Variants in DPF3 observed in about 807,000 individuals in gnomAD.
DPF3 encodes the protein double PHD fingers 3.
DPF3 carries 18 observed loss-of-function variants against 56.8 expected under a neutral mutation model. The ratio of observed to expected loss-of-function variants is 0.32; its 90% CI spans 0.22 to 0.47. DPF3 has a LOEUF of 0.47. DPF3 is among the 20% of genes least tolerant of loss of function. The pLI is 1.00. For synonymous variants in DPF3, 188 were observed against 180.2 expected (o/e 1.04, Z -0.35); for missense variants, 403 against 488.8 (o/e 0.82, Z 1.65).
At chr14:72,728,927 A>G (rs1270133093) in intron 4 of DPF3, among the ~76,000 whole-genome samples, 1 of 152,172 alleles carries the variant, frequency 6.6e-6, no homozygotes, top group Non-Finnish European at 1.5e-5. Flanking sequence ...TGTGAGATGA[A>G]GTACGGCACG....
chr14:72,663,386 C>T (rs1359664328), intron 8 of DPF3, among the ~76,000 whole-genome samples: 2 of 152,250 alleles, frequency 1.3e-5, no homozygotes, highest in African/African-American at 4.8e-5. Context: ...CCTTCACAAG[C>T]ACTCACACTC....
At chr14:72,631,191 G>A (rs1353372996) in intron 8 of DPF3, among the ~76,000 whole-genome samples, 1 of 152,214 alleles carries the variant, frequency 6.6e-6, no homozygotes, top group Non-Finnish European at 1.5e-5. Flanking sequence ...AGTGAATACA[G>A]GCAGAAGCAG....
chr14:72,881,979 T>C (rs1886344260), intron 1 of DPF3, among the ~76,000 whole-genome samples: 1 of 152,322 alleles, frequency 6.6e-6, no homozygotes, highest in Middle Eastern at 3.4e-3. Flanking sequence ...AGAGGTATTG[T>C]CTGATTCAAA....
chr14:72,673,119 T>C (rs1404155633), intron 8 of DPF3, among the ~76,000 whole-genome samples: 2 of 152,146 alleles, frequency 1.3e-5, no homozygotes, highest in Non-Finnish European at 2.9e-5. Flanking sequence ...AAATTACTGA[T>C]TTGCTACTCA....
chr14:72,863,461 CCTT>C (rs919120859), intron 1 of DPF3, among the ~76,000 whole-genome samples: 1 of 150,856 alleles, frequency 6.6e-6, no homozygotes, highest in African/African-American at 2.4e-5. Context: ...TTTAAAAACT[CCTT>C]CTGAGGTCAT....
chr14:72,665,267 T>G (rs1467766944), intron 8 of DPF3, among the ~76,000 whole-genome samples: 1 of 152,212 alleles, frequency 6.6e-6, no homozygotes, highest in Non-Finnish European at 1.5e-5. Flanking sequence ...GGCCAATAAA[T>G]TCATTGCCCC....
intron 1 of DPF3, among the ~76,000 whole-genome samples, chr14:72,802,132 G>C (rs934362654): frequency 6.6e-6 from 1 of 151,668 alleles, no homozygotes; most frequent in Non-Finnish European, 1.5e-5. Context: ...AGGGACAGCT[G>C]GGTGTGCAGG....
chr14:72,646,138 C>CA (rs1177406048), intron 8 of DPF3, among the ~76,000 whole-genome samples: 1 of 152,044 alleles, frequency 6.6e-6, no homozygotes, highest in Non-Finnish European at 1.5e-5. Context: ...TCTTTTCCAC[C>CA]AAAAAAACTC....
intron 1 of DPF3, among the ~76,000 whole-genome samples, chr14:72,827,907 AC>A (rs1490860327): frequency 6.6e-6 from 1 of 152,144 alleles, no homozygotes; most frequent in Non-Finnish European, 1.5e-5. Flanking sequence ...AGCCAAGGTC[AC>A]ACCACTGCAT....
rs957454932 is a variant in DPF3, at chr14:72,617,755, G to A, written c.*1542C>T. Among the ~76,000 whole-genome samples, 3 of 152,182 alleles carry A rather than the reference G, an allele frequency of 2.0e-5. No homozygotes were observed. Among genetic ancestry groups the A allele is most frequent in the African/African-American group, 7.2e-5 (3 of 41,452 alleles). ...GCACAAATACTGCGGCCGGGCAGAG[G>A]TGGCCCAACTAGCCCGAGTCTCCGG... On this transcript the variant is annotated 3_prime_UTR_variant, in exon 11 of 11. Coordinates refer to ENST00000556509, the MANE Select transcript of DPF3 (RefSeq NM_001280542.3).
At position 72,742,924 on chromosome 14, in the gene DPF3, C is replaced by T. The variant is rs556236619; in HGVS notation, c.301+10340G>A. 3.7e-3 allele frequency among the ~76,000 whole-genome samples: 556 copies of T among 152,166 alleles called. 3 individuals carry two copies. The highest frequency in any genetic ancestry group is 0.013 in the African/African-American group (531 of 41,508). On this transcript the variant is annotated intron_variant, in intron 3 of 10. Transcript: ENST00000556509. ...CTCAAGTCCCTCCGCCTGGACCACCCCTTTGGGAGATACCCCTCTGCAGGT... is the reference window on the plus strand; with the variant it reads ...CTCAAGTCCCTCCGCCTGGACCACCTCTTTGGGAGATACCCCTCTGCAGGT...
At chr14:72,738,925 C>T (rs565832947) in intron 3 of DPF3, among the ~76,000 whole-genome samples, 1 of 151,812 alleles carries the variant, frequency 6.6e-6, no homozygotes, top group Admixed American at 6.6e-5. Context: ...TAATAAAGCT[C>T]GGAGGGAATA....
intron 1 of DPF3, among the ~76,000 whole-genome samples, chr14:72,870,664 A>C (rs1885862502): frequency 6.6e-6 from 1 of 152,270 alleles, no homozygotes; most frequent in Admixed American, 6.5e-5. Context: ...TAGGAAAACC[A>C]GTGCTTCTCC....
chr14:72,737,127 GACAA>G (rs1470316417), intron 3 of DPF3, among the ~76,000 whole-genome samples: 1 of 149,348 alleles, frequency 6.7e-6, no homozygotes, highest in Non-Finnish European at 1.5e-5. Context: ...AAACCTCCGA[GACAA>G]ACAAGGATTG....
At chr14:72,715,834 T>G in intron 5 of DPF3, among the ~76,000 whole-genome samples, 1 of 132,446 alleles carries the variant, frequency 7.6e-6, no homozygotes, top group Admixed American at 7.7e-5. Flanking sequence ...CTCCCACCAG[T>G]CTCCCTCCCC....
chr14:72,880,320 C>T (rs888747095), intron 1 of DPF3, among the ~76,000 whole-genome samples: 1 of 152,186 alleles, frequency 6.6e-6, no homozygotes, highest in African/African-American at 2.4e-5. Context: ...ATTCAAGTCA[C>T]CCAGAGCAAT....
rs10570653 is a variant in DPF3 at position 72,861,026 on chromosome 14, TACACACACACACACACACAC to T, written c.32+33011_32+33030del. Among the ~76,000 whole-genome samples the T allele has an allele frequency of 3.2e-3, 473 of 147,962 alleles. 3 individuals carry two copies. Among genetic ancestry groups the T allele is most frequent in the African/African-American group, 6.0e-3 (241 of 40,072 alleles). ...TGTGCTTTCTTATCTGTTCTCACTA[TACACACACACACACACACAC>T]ACACACACACACACACACACACAGA... On this transcript the variant is annotated intron_variant, in intron 1 of 10. Coordinates refer to ENST00000556509, the MANE Select transcript of DPF3 (RefSeq NM_001280542.3).
At chr14:72,652,153 C>T (rs1885928442) in intron 8 of DPF3, among the ~76,000 whole-genome samples, 1 of 152,230 alleles carries the variant, frequency 6.6e-6, no homozygotes, top group Non-Finnish European at 1.5e-5. Flanking sequence ...AATTGACTCT[C>T]AGTGAGCCTG....
intron 7 of DPF3, among the ~76,000 whole-genome samples, chr14:72,687,816 A>G (rs867524993): frequency 3.4e-4 from 52 of 152,162 alleles, no homozygotes; most frequent in African/African-American, 1.2e-3. Flanking sequence ...AGAGCTTTGT[A>G]AGACCCAGAC....
Sources: allele counts gnomAD v4.1 joint callset (sites outside exome capture counted in the v4.1 genomes callset), GRCh38; gene constraint gnomAD v4.1.1; transcripts MANE v1.5; gene names NCBI Gene and HGNC (gene_info 2026-07-23, HGNC 2026-07-21).